The following LIFR variants were observed in gnomAD, a reference collection of about 807,000 sequenced individuals.
The protein encoded by LIFR is LIF receptor subunit alpha.
Under a neutral mutation model 122.2 loss-of-function variants are expected in LIFR, and 84 were observed. The ratio of observed to expected loss-of-function variants is 0.69; its 90% CI spans 0.58 to 0.82. The LOEUF (loss-of-function observed/expected upper bound fraction) is 0.82, where lower values mean the gene tolerates loss of function less well. Ranked by LOEUF, LIFR falls within the 40% of genes least tolerant of loss-of-function variation. The probability of loss-of-function intolerance (pLI) is 0.00; values close to 1 mark genes in which losing one functional copy is unlikely to be tolerated. For missense variants in LIFR, 1,294 were observed against 1,311.6 expected, an observed-to-expected ratio of 0.99 and a Z score of 0.21; for synonymous variants, 422 against 434.7, an observed-to-expected ratio of 0.97 and a Z score of 0.36.
chr5:38,555,149 A>G (rs1465962500), intron 1 of LIFR: 4 of 152,230 alleles, frequency 2.6e-5, no homozygotes, highest in Admixed American at 6.5e-5. Flanking sequence ...CCCCGACTAT[A>G]AAGCATAAAG....
chr5:38,489,324 G>T, intron 15 of LIFR, 79 bp from the exon 16 acceptor site: 3 of 1,108,280 alleles, frequency 2.7e-6, no homozygotes, highest in Non-Finnish European at 4.0e-6. Flanking sequence ...GAGCTTTCTA[G>T]CCTCAAAAAT....
intron 1 of LIFR, among the ~76,000 whole-genome samples, chr5:38,537,191 A>G (rs1447270647): frequency 6.6e-6 from 1 of 152,138 alleles, no homozygotes; most frequent in Non-Finnish European, 1.5e-5. Flanking sequence ...GTTTCAACAC[A>G]CAGTTCCAGT....
At chr5:38,497,139 TA>T in intron 12 of LIFR, among the ~76,000 whole-genome samples, 1 of 152,210 alleles carries the variant, frequency 6.6e-6, no homozygotes, top group East Asian at 1.9e-4. Flanking sequence ...CTGTCTCTAC[TA>T]AAAATACAAA....
chr5:38,512,958 A>G (rs35389603), intron 5 of LIFR, among the ~76,000 whole-genome samples: 18,409 of 152,180 alleles, frequency 0.12, 1,439 homozygotes, highest in Non-Finnish European at 0.17. Context: ...TTATTTTTAA[A>G]TAGAAGATTA....
chr5:38,555,182 G>T (rs1294883378), intron 1 of LIFR: 1 of 152,188 alleles, frequency 6.6e-6, no homozygotes, highest in Non-Finnish European at 1.5e-5. Flanking sequence ...ACAACTAAAA[G>T]AATGGTCTCG....
At chr5:38,518,514 ACAT>A (rs1417148626) in intron 5 of LIFR, among the ~76,000 whole-genome samples, 1 of 152,236 alleles carries the variant, frequency 6.6e-6, no homozygotes, top group Admixed American at 6.5e-5. Context: ...TTACCAAGTG[ACAT>A]CATAGCCAAC....
chr5:38,519,572 C>T (rs769671798), intron 5 of LIFR, among the ~76,000 whole-genome samples: 4 of 152,140 alleles, frequency 2.6e-5, no homozygotes, highest in Non-Finnish European at 2.9e-5. Context: ...TCTAACTGTA[C>T]ATTTGTACCC....
At chr5:38,484,149 C>A (rs746558785) in intron 18 of LIFR, among the ~76,000 whole-genome samples, 1 of 152,232 alleles carries the variant, frequency 6.6e-6, no homozygotes, top group African/African-American at 2.4e-5. Flanking sequence ...GTACCGCAGA[C>A]CAGCCGTGAC....
chr5:38,476,580 T>C lies in LIFR; in HGVS notation c.*5015A>G, dbSNP rs1247096101. 9.8e-6 allele frequency: 2 copies of C among 204,290 alleles called. No individual in the cohort carries two copies. The highest frequency in any genetic ancestry group is 2.0e-5 in the Non-Finnish European group (2 of 99,958). 12.7% of individuals were successfully genotyped at this position (204,290 alleles called of 1,614,324 possible). A position where few individuals can be genotyped will look rare whatever the true frequency, so the allele number is the denominator to read the frequency against. On this transcript the variant is annotated 3_prime_UTR_variant, in exon 20 of 20. Transcript: ENST00000453190. ...TAAAGGCAATCTTAGAAGATGCATGTAAATATAATATAAATCAACTTTCTT... is the reference window on the plus strand; with the variant it reads ...TAAAGGCAATCTTAGAAGATGCATGCAAATATAATATAAATCAACTTTCTT...
intron 5 of LIFR, among the ~76,000 whole-genome samples, chr5:38,514,853 G>A (rs1745990331): frequency 6.6e-6 from 1 of 152,156 alleles, no homozygotes; most frequent in South Asian, 2.1e-4. Context: ...ATAATCTAAA[G>A]AGGGTTTAAA....
intron 2 of LIFR, among the ~76,000 whole-genome samples, chr5:38,602,063 A>G (rs1750232054): frequency 6.6e-6 from 1 of 152,102 alleles, no homozygotes; most frequent in Non-Finnish European, 1.5e-5. Context: ...TCCATTGCCA[A>G]TTTCTTGGCG....
At chr5:38,593,573 G>A (rs947228414) in intron 1 of LIFR, among the ~76,000 whole-genome samples, 1 of 152,174 alleles carries the variant, frequency 6.6e-6, no homozygotes, top group Non-Finnish European at 1.5e-5. Flanking sequence ...TCAGAGAAGA[G>A]GAGGGGGATA....
Position 38,505,951 on chromosome 5 carries a change from C to A in LIFR, c.1245G>T (p.Pro415=), listed in dbSNP as rs139809889. The change falls in exon 9 of 20, where the codon CCG becomes CCT. Residue 415 remains proline (P), a synonymous_variant. Transcript: ENST00000453190. ...AAATTGTTGATTGTGATCGACCCAG[C>A]GGATTGTGAGCATTCAAAGTAAAAT... ...IYNFTLNAHN[P]LGRSQSTILV... is the part of the protein sequence containing the mutation. The A allele has an allele frequency of 7.7e-5, 124 of 1,609,942 alleles. No homozygotes were observed. Among genetic ancestry groups the A allele is most frequent in the Non-Finnish European group, 9.5e-5 (112 of 1,177,654 alleles).
chr5:38,520,570 C>CT (rs2112534511), intron 5 of LIFR, among the ~76,000 whole-genome samples: 1 of 152,164 alleles, frequency 6.6e-6, no homozygotes, highest in East Asian at 1.9e-4. Context: ...TAGTTTCAGT[C>CT]TTATGTTTAA....
intron 7 of LIFR, among the ~76,000 whole-genome samples, chr5:38,509,870 C>T (rs1183238248): frequency 3.3e-5 from 5 of 152,150 alleles, no homozygotes; most frequent in Non-Finnish European, 7.4e-5. Context: ...TTTGGAAATA[C>T]CATGGAATTT....
At position 38,485,870 on chromosome 5, in the gene LIFR, C is replaced by T. The variant is rs1390562884; in HGVS notation, c.2446G>A (p.Asp816Asn). The change falls in exon 17 of 20, where the codon GAT (aspartate) becomes AAT (asparagine). Residue 816 changes from aspartate (D) to asparagine (N), a missense_variant. Asp to Asn is a conservative substitution (Grantham distance 23). Transcript: ENST00000453190. ...SYHLVLRAYT[D>N]GGVGPEKSMY... ...CTCTTCTCCGGGCCCACTCCACCAT[C>T]TGTATAGGCTCGCAAGACCAGGTGG... 1.2e-6 allele frequency: 2 copies of T among 1,614,212 alleles called. No individual in the cohort carries two copies. Among genetic ancestry groups the T allele is most frequent in the Admixed American group, 1.7e-5 (1 of 60,032 alleles).
At chr5:38,506,779 T>C (rs537179652) in intron 7 of LIFR, 147 bp from the exon 8 acceptor site, 3 of 698,384 alleles carry the variant, frequency 4.3e-6, no homozygotes, top group African/African-American at 3.6e-5. Context: ...GCAGGAATTA[T>C]TCTCTCTGTA....
At chr5:38,549,567 C>T (rs532141624) in intron 1 of LIFR, among the ~76,000 whole-genome samples, 235 of 152,198 alleles carry the variant, frequency 1.5e-3, no homozygotes, top group African/African-American at 5.2e-3. Flanking sequence ...CCGAGGCAGG[C>T]GGATCACGAG....
intron 1 of LIFR, among the ~76,000 whole-genome samples, chr5:38,575,125 A>G (rs1749340440): frequency 6.6e-6 from 1 of 152,244 alleles, no homozygotes; most frequent in Admixed American, 6.5e-5. Flanking sequence ...TAAATGGTCT[A>G]AACTTAACAA....
Sources: gnomAD v4.1 joint callset for allele counts (sites outside exome capture counted in the v4.1 genomes callset) on GRCh38, gnomAD v4.1.1 for gene constraint, MANE v1.5 for transcripts, NCBI Gene and HGNC (gene_info 2026-07-23, HGNC 2026-07-21) for gene names.